The following SGK1 variants were observed in gnomAD, a reference collection of about 807,000 sequenced individuals.
SGK1 encodes the protein serum/glucocorticoid regulated kinase 1.
SGK1 carries 26 observed loss-of-function variants against 64.2 expected under a neutral mutation model. The observed-to-expected ratio is 0.40, with a 90% confidence interval of 0.30 to 0.56. The LOEUF is 0.56. Among genes scored for constraint, SGK1 ranks in the 20% least tolerant of loss-of-function variants. The pLI is 0.38. For synonymous variants in SGK1, 265 were observed against 239.7 expected (o/e 1.11, Z -0.98); for missense variants, 519 against 645.6 (o/e 0.80, Z 2.12).
intron 2 of SGK1, among the ~76,000 whole-genome samples, chr6:134,253,172 T>G (rs1366049450): frequency 6.6e-6 from 1 of 152,158 alleles, no homozygotes; most frequent in Non-Finnish European, 1.5e-5. Flanking sequence ...ACATTTGAAA[T>G]GCTGAACAAG....
intron 2 of SGK1, among the ~76,000 whole-genome samples, chr6:134,212,210 C>A (rs1047994549): frequency 2.0e-5 from 3 of 151,966 alleles, no homozygotes; most frequent in East Asian, 3.9e-4. Flanking sequence ...CCTGCCACCA[C>A]GCCCGGCTAA....
intron 1 of SGK1, among the ~76,000 whole-genome samples, chr6:134,313,856 G>A (rs1408520620): frequency 6.6e-6 from 1 of 152,130 alleles, no homozygotes; most frequent in Non-Finnish European, 1.5e-5. Context: ...AAATCATTAT[G>A]TAAGAATCTG....
chr6:134,174,235 T>C (rs929012023), intron 4 of SGK1, 155 bp from the exon 5 acceptor site: 3 of 614,366 alleles, frequency 4.9e-6, no homozygotes, highest in Non-Finnish European at 5.7e-6. Flanking sequence ...AAGAAAATAA[T>C]AAACCCCATT....
intron 3 of SGK1, among the ~76,000 whole-genome samples, chr6:134,190,099 C>G (rs941099545): frequency 1.9e-4 from 29 of 152,326 alleles, no homozygotes; most frequent in African/African-American, 6.7e-4. Flanking sequence ...ATCGGCCCGC[C>G]TTGGCCTCCC....
chr6:134,236,446 G>T (rs1297741737), intron 2 of SGK1, among the ~76,000 whole-genome samples: 12 of 152,040 alleles, frequency 7.9e-5, no homozygotes, highest in Admixed American at 7.9e-4. Context: ...GGGCAAGATG[G>T]CGAAACTCCG....
intron 2 of SGK1, among the ~76,000 whole-genome samples, chr6:134,241,766 G>A (rs755132626): frequency 9.9e-5 from 15 of 152,054 alleles, no homozygotes; most frequent in Admixed American, 7.9e-4. Flanking sequence ...GACTACAGGC[G>A]CCCGCCACCA....
At chr6:134,224,395 A>C (rs920981142) in intron 2 of SGK1, among the ~76,000 whole-genome samples, 1 of 152,206 alleles carries the variant, frequency 6.6e-6, no homozygotes, top group Admixed American at 6.5e-5. Context: ...CAACTTTAAG[A>C]GGTGCAGGTT....
At chr6:134,199,413 G>T (rs1775646871) in intron 3 of SGK1, among the ~76,000 whole-genome samples, 1 of 151,956 alleles carries the variant, frequency 6.6e-6, no homozygotes, top group African/African-American at 2.4e-5. Context: ...ACAAAAATTA[G>T]CCAGGCGTGG....
At chr6:134,243,216 T>C (rs900976026) in intron 2 of SGK1, among the ~76,000 whole-genome samples, 4 of 152,172 alleles carry the variant, frequency 2.6e-5, no homozygotes, top group Non-Finnish European at 5.9e-5. Flanking sequence ...ATCTTTAATA[T>C]ACTGATGGTT....
At chr6:134,183,882 C>A (rs1775376392) in intron 3 of SGK1, among the ~76,000 whole-genome samples, 1 of 123,808 alleles carries the variant, frequency 8.1e-6, no homozygotes, top group South Asian at 3.0e-4. Flanking sequence ...GGCATTGGAT[C>A]CTTCGGTCAG....
rs77983725 is a variant in SGK1, at chr6:134,268,591, A to C, written c.70-6443T>G. On this transcript the variant is annotated intron_variant, in intron 1 of 13. Coordinates refer to ENST00000367858, the MANE Select transcript of SGK1 (RefSeq NM_001143676.3). ...CAAAAAAAATTGCCGGGCGTAGTGG[A>C]GGGTGCCTGTAGTCCCAGCTACTCG... Among the ~76,000 whole-genome samples, 492 of 138,156 alleles carry C rather than the reference A, an allele frequency of 3.6e-3. 17 individuals are homozygous for C. The highest frequency in any genetic ancestry group is 0.011 in the African/African-American group (437 of 40,038). The allele number at this position is 138,156 out of a possible 152,430, so 90.6% of individuals were successfully genotyped here. A position where few individuals can be genotyped will look rare whatever the true frequency, so the allele number is the denominator to read the frequency against.
At chr6:134,175,209 A>C (rs1387736964) in intron 3 of SGK1, among the ~76,000 whole-genome samples, 1 of 152,116 alleles carries the variant, frequency 6.6e-6, no homozygotes, top group Non-Finnish European at 1.5e-5. Context: ...CCGCCGCCGG[A>C]GAAAGCCGGG....
At chr6:134,296,862 C>T (rs1055384425) in intron 1 of SGK1, 3 of 192,656 alleles carry the variant, frequency 1.6e-5, no homozygotes, top group African/African-American at 4.8e-5. Flanking sequence ...TAAACTTCCC[C>T]GCACGTGGGC....
Position 134,269,346 on chromosome 6 carries a change from GAGTC to G in SGK1, c.70-7202_70-7199del, listed in dbSNP as rs777955324. ...GCCTCAATAACTTTCAATTTCGAGA[GAGTC>G]AGCCCAGTTTTCTAGTGAAATTACT... On this transcript the variant is annotated intron_variant, in intron 1 of 13. Coordinates refer to ENST00000367858, the MANE Select transcript of SGK1 (RefSeq NM_001143676.3). 2.9e-4 allele frequency among the ~76,000 whole-genome samples: 42 copies of G among 147,218 alleles called. 3 individuals are homozygous for G. The highest frequency in any genetic ancestry group is 4.8e-4 in the Non-Finnish European group (32 of 66,532).
At chr6:134,172,094 T>G in intron 10 of SGK1, 99 bp downstream of exon 10, 1 of 1,323,404 alleles carries the variant, frequency 7.6e-7, no homozygotes, top group Non-Finnish European at 1.1e-6. Context: ...AAGAAGTCTC[T>G]GAGAGGAGTT....
At chr6:134,240,845 G>C (rs1776433263) in intron 2 of SGK1, among the ~76,000 whole-genome samples, 1 of 152,180 alleles carries the variant, frequency 6.6e-6, no homozygotes, top group South Asian at 2.1e-4. Flanking sequence ...TGAGGGCAGA[G>C]GAAGGGTGGG....
intron 2 of SGK1, among the ~76,000 whole-genome samples, chr6:134,246,262 C>T (rs1274390761): frequency 6.6e-6 from 1 of 151,978 alleles, no homozygotes; most frequent in East Asian, 1.9e-4. Flanking sequence ...GATTCTCCTG[C>T]CGCAGCCTCC....
At chr6:134,178,718 T>G (rs1308827008) in intron 3 of SGK1, among the ~76,000 whole-genome samples, 1 of 152,232 alleles carries the variant, frequency 6.6e-6, no homozygotes, top group Non-Finnish European at 1.5e-5. Context: ...CCCACTTGTC[T>G]CCTGAGGTTC....
intron 1 of SGK1, among the ~76,000 whole-genome samples, chr6:134,262,873 C>T (rs1455879611): frequency 6.6e-6 from 1 of 151,582 alleles, no homozygotes; most frequent in Admixed American, 6.6e-5. Flanking sequence ...GAAACTTTGT[C>T]TCTACGAAAA....
Sources: allele counts gnomAD v4.1 joint callset (sites outside exome capture counted in the v4.1 genomes callset), GRCh38; gene constraint gnomAD v4.1.1; transcripts MANE v1.5; gene names NCBI Gene and HGNC (gene_info 2026-07-23, HGNC 2026-07-21).